The following ABHD10 variants were observed in gnomAD, a reference collection of about 807,000 sequenced individuals.
ABHD10 encodes the protein abhydrolase domain containing 10, depalmitoylase, also known as palmitoyl-protein thioesterase ABHD10, mitochondrial.
Under a neutral mutation model 33.1 loss-of-function variants are expected in ABHD10, and 22 were observed. The observed-to-expected ratio is 0.66, with a 90% CI of 0.47 to 0.95. ABHD10 has a LOEUF of 0.95. ABHD10 is among the 40% of genes least tolerant of loss of function. The pLI, the probability that ABHD10 is intolerant of heterozygous loss-of-function variation, is 0.00. For missense variants in ABHD10, 352 were observed against 379.9 expected, an observed-to-expected ratio of 0.93 and a Z score of 0.61; for synonymous variants, 146 against 133.9, an observed-to-expected ratio of 1.09 and a Z score of -0.62.
chr3:111,990,937 C>T (rs2072732356), intron 4 of ABHD10, among the ~76,000 whole-genome samples: 1 of 152,076 alleles, frequency 6.6e-6, no homozygotes, highest in Non-Finnish European at 1.5e-5. Context: ...ATGAATGATA[C>T]CTGGACTGAT....
At chr3:111,990,592 TTCA>T in intron 4 of ABHD10, 1 of 389,800 alleles carries the variant, frequency 2.6e-6, no homozygotes, top group Non-Finnish European at 4.5e-6. Context: ...ACATGTATAT[TTCA>T]TTTTAAGGGA....
intron 2 of ABHD10, among the ~76,000 whole-genome samples, chr3:111,984,559 G>A (rs1331840322): frequency 2.6e-5 from 4 of 152,086 alleles, no homozygotes; most frequent in African/African-American, 9.7e-5. Flanking sequence ...GATGAAGTGA[G>A]TACTACTGTA....
In ABHD10 at chr3:111,991,703, C is replaced by A; in HGVS notation, c.903C>A (p.Leu301=). The part of the protein sequence containing the change: ...VYTIDDLIDK[L]STIVN ...CTATTGATGACTTAATTGATAAGCTCTCAACTATAGTTAACTAGTATCACA... is the reference window on the plus strand; with the variant it reads ...CTATTGATGACTTAATTGATAAGCTATCAACTATAGTTAACTAGTATCACA... Residue 301 remains leucine (L), a synonymous_variant, in exon 5 of 5, where the codon CTC becomes CTA. Coordinates refer to ENST00000273359, the MANE Select transcript of ABHD10 (RefSeq NM_018394.4). 1 of 1,612,756 alleles carries A rather than the reference C, an allele frequency of 6.2e-7. No individual in the cohort carries two copies. The highest frequency in any genetic ancestry group is 8.5e-7 in the Non-Finnish European group (1 of 1,179,242).
intron 1 of ABHD10, among the ~76,000 whole-genome samples, chr3:111,980,265 T>C (rs930755120): frequency 2.0e-5 from 3 of 152,202 alleles, no homozygotes; most frequent in Non-Finnish European, 4.4e-5. Flanking sequence ...TGAACATGAG[T>C]GGATCAGCAT....
At chr3:111,981,527 C>A (rs969520077) in intron 1 of ABHD10, among the ~76,000 whole-genome samples, 1 of 152,076 alleles carries the variant, frequency 6.6e-6, no homozygotes, top group South Asian at 2.1e-4. Flanking sequence ...CTTGAAATTC[C>A]TACCGCATTG....
At chr3:111,985,992 C>G (rs2072652604) in intron 2 of ABHD10, among the ~76,000 whole-genome samples, 1 of 152,102 alleles carries the variant, frequency 6.6e-6, no homozygotes, top group Non-Finnish European at 1.5e-5. Flanking sequence ...TGTGAAAATG[C>G]AAACAGGAGA....
chr3:111,992,053 C>T lies in ABHD10; in HGVS notation c.*332C>T, dbSNP rs143100801. The T allele has an allele frequency of 5.2e-3, 865 of 167,688 alleles. 9 individuals carry two copies. Among genetic ancestry groups the T allele is most frequent in the African/African-American group, 0.02 (824 of 42,024 alleles). 10.4% of individuals were successfully genotyped at this position (167,688 alleles called of 1,614,324 possible). The stretch of plus-strand genomic sequence containing the variant: ...TTTCTAATTAGGATTATTAATAAAG[C>T]GTGAATATTTTGTTTTTTATTATAG... On this transcript the variant is annotated 3_prime_UTR_variant, in exon 5 of 5. Transcript: ENST00000273359.
At position 111,992,488 on chromosome 3, in the gene ABHD10, G is replaced by A. The variant is rs1317747434; in HGVS notation, c.*767G>A. On this transcript the variant is annotated 3_prime_UTR_variant, in exon 5 of 5. Transcript: ENST00000273359. Reference sequence around the variant, plus strand: ...AAACATTCATTATTTTATTAATATTGCCCTAAGTACAACTAGGCAAGTGAT... The same window carrying A: ...AAACATTCATTATTTTATTAATATTACCCTAAGTACAACTAGGCAAGTGAT... The A allele has an allele frequency of 6.6e-6, 1 of 151,618 alleles. No homozygotes were observed. Among genetic ancestry groups the A allele is most frequent in the African/African-American group, 2.4e-5 (1 of 41,306 alleles). 9.4% of individuals were successfully genotyped at this position (151,618 alleles called of 1,614,324 possible).
At chr3:111,989,846 A>C (rs981953704) in intron 4 of ABHD10, among the ~76,000 whole-genome samples, 2 of 152,088 alleles carry the variant, frequency 1.3e-5, no homozygotes, top group Non-Finnish European at 2.9e-5. Flanking sequence ...TGGAATTAAA[A>C]ATACATTAAA....
In ABHD10 at chr3:111,992,064, T is replaced by C. The variant is rs1380635796; in HGVS notation, c.*343T>C. ...GATTATTAATAAAGCGTGAATATTT[T>C]GTTTTTTATTATAGACAGAAATTTG... On this transcript the variant is annotated 3_prime_UTR_variant, in exon 5 of 5. Transcript: ENST00000273359. The C allele has an allele frequency of 6.1e-6, 1 of 164,028 alleles. No homozygotes were observed. Among genetic ancestry groups the C allele is most frequent in the Non-Finnish European group, 1.3e-5 (1 of 76,376 alleles). 10.2% of individuals were successfully genotyped at this position (164,028 alleles called of 1,614,324 possible).
chr3:111,982,041 A>G (rs1217561104), intron 2 of ABHD10, 74 bp downstream of exon 2: 1 of 1,163,290 alleles, frequency 8.6e-7, no homozygotes, highest in Non-Finnish European at 1.1e-6. Flanking sequence ...TGTTCTAATC[A>G]GTTGAAGTAA....
In ABHD10 at chr3:111,990,650, A is replaced by T. The variant is rs77257674; in HGVS notation, c.577-727A>T. The T allele has an allele frequency of 5.8e-4, 487 of 836,064 alleles. 1 individual carries two copies. In the African/African-American group the frequency reaches 7.0e-3, roughly 12 times the overall value. The allele number at this position is 836,064 out of a possible 1,614,324, so 51.8% of individuals were successfully genotyped here. ...TGTTTGGCTTTCAGGAAGTATGTGG[A>T]AGACTTCTTTGTCATCCAGAACAAA... On this transcript the variant is annotated intron_variant, in intron 4 of 4. Transcript: ENST00000273359.
rs768142804 is a variant in ABHD10, at chr3:111,979,127, C to T, written c.66C>T (p.Ala22=). The T allele has an allele frequency of 3.1e-6, 5 of 1,613,282 alleles. No individual in the cohort carries two copies. In the African/African-American group the frequency reaches 4.0e-5, roughly 13 times the overall value. The change falls in exon 1 of 5, where the codon GCC becomes GCT. Residue 22 remains alanine, a synonymous_variant. Coordinates refer to ENST00000273359, the MANE Select transcript of ABHD10 (RefSeq NM_018394.4). ...CTTGTCGGAGCTGGGGCTGGGCAGC[C>T]GTCCCCTTCGGTCCCCACCGTGGCC... ...WVPCRSWGWA[A]VPFGPHRGLS... is the part of the protein sequence containing the mutation.
Position 111,981,836 on chromosome 3 carries a change from C to G in ABHD10, c.195C>G (p.Asn65Lys). 1 of 1,604,456 alleles carries G rather than the reference C, an allele frequency of 6.2e-7. No individual in the cohort carries two copies. Among genetic ancestry groups the G allele is most frequent in the Non-Finnish European group, 8.5e-7 (1 of 1,173,080 alleles). The change falls in exon 2 of 5, where the codon AAC becomes AAG. Residue 65 changes from asparagine (N) to lysine (K), a missense_variant. Asn to Lys is a moderately conservative substitution (Grantham distance 94). Coordinates refer to ENST00000273359, the MANE Select transcript of ABHD10 (RefSeq NM_018394.4). ...LSFLNRPDLP[N>K]LAYKKLKGKS... ...TCCTTAATCGACCAGACCTTCCAAA[C>G]CTGGCTTATAAGAAGCTAAAAGGCA...
rs751514851 is a variant in ABHD10, at chr3:111,981,830, TC to T, written c.191del (p.Pro64GlnfsTer8). 6.2e-7 allele frequency: 1 copy of T among 1,602,668 alleles called. No homozygotes were observed. The highest frequency in any genetic ancestry group is 1.1e-5 in the South Asian group (1 of 89,422). On this transcript the variant is annotated frameshift_variant, in exon 2 of 5. Coordinates refer to ENST00000273359, the MANE Select transcript of ABHD10 (RefSeq NM_018394.4). LOFTEE classifies it high-confidence loss of function. ...TCTCATTCCTTAATCGACCAGACCTTCCAAACCTGGCTTATAAGAAGCTAAA... is the reference window on the plus strand; with the variant it reads ...TCTCATTCCTTAATCGACCAGACCTTCAAACCTGGCTTATAAGAAGCTAAA... ...SLSFLNRPDLPNLAYKKLKGK... is the reference protein window; with the variant it reads ...SLSFLNRPDLXNLAYKKLKGK...
chr3:111,991,349 CTTTTAT>C (rs2072736522), intron 4 of ABHD10, 22 bp from the exon 5 acceptor site: 1 of 1,550,388 alleles, frequency 6.4e-7, no homozygotes, highest in African/African-American at 1.6e-5. Flanking sequence ...GTCACAAATA[CTTTTAT>C]TTTTCTTTCT....
intron 1 of ABHD10, among the ~76,000 whole-genome samples, chr3:111,980,653 G>C (rs2072572052): frequency 6.6e-6 from 1 of 152,038 alleles, no homozygotes; most frequent in Non-Finnish European, 1.5e-5. Flanking sequence ...AGATGAAGTA[G>C]GATAATCTTA....
Position 111,986,287 on chromosome 3 carries a change from G to A in ABHD10, c.350G>A (p.Ser117Asn), listed in dbSNP as rs1276849972. The A allele has an allele frequency of 3.7e-6, 6 of 1,613,582 alleles. No homozygotes were observed. Among genetic ancestry groups the A allele is most frequent in the Non-Finnish European group, 5.1e-6 (6 of 1,179,636 alleles). ...CIRFDYSGVG[S>N]SDGNSEESTL... ...AGGTTTGATTACTCAGGAGTTGGAA[G>A]TTCAGATGGTAACTCAGAGGAAAGC... The change falls in exon 3 of 5, where the codon AGT becomes AAT. Residue 117 changes from serine (S) to asparagine (N), a missense_variant. Coordinates refer to ENST00000273359, the MANE Select transcript of ABHD10 (RefSeq NM_018394.4).
Position 111,989,189 on chromosome 3 carries a change from C to A in ABHD10, c.576+2138C>A, listed in dbSNP as rs139468187. Among the ~76,000 whole-genome samples, 234 of 152,252 alleles carry A rather than the reference C, an allele frequency of 1.5e-3. 2 individuals carry two copies. Among genetic ancestry groups the A allele is most frequent in the Admixed American group, 6.0e-3 (92 of 15,292 alleles). On this transcript the variant is annotated intron_variant, in intron 4 of 4. Transcript: ENST00000273359. Reference sequence around the variant, plus strand: ...CTTTTATAACCCTGGGAATAGTAAGCCCAGCATTTCTCATTTCTTCTCTAA... The same window carrying A: ...CTTTTATAACCCTGGGAATAGTAAGACCAGCATTTCTCATTTCTTCTCTAA...
Sources: allele counts gnomAD v4.1 joint callset (sites outside exome capture counted in the v4.1 genomes callset), GRCh38; gene constraint gnomAD v4.1.1; transcripts MANE v1.5; gene names NCBI Gene and HGNC (gene_info 2026-07-23, HGNC 2026-07-21).